The following CFAP251 variants were observed in gnomAD, a reference collection of about 807,000 sequenced individuals.
The protein encoded by CFAP251 is cilia- and flagella-associated protein 251.
A neutral mutation model predicts 126.7 loss-of-function variants in CFAP251; 93 were observed. The observed-to-expected ratio is 0.73, with a 90% CI of 0.62 to 0.87. The LOEUF (loss-of-function observed/expected upper bound fraction) is 0.87, where lower values mean the gene tolerates loss of function less well. CFAP251 is among the 40% of genes least tolerant of loss of function. The probability of loss-of-function intolerance (pLI) is 0.00; values close to 1 mark genes in which losing one functional copy is unlikely to be tolerated. For missense variants in CFAP251, 1,287 were observed against 1,389.2 expected, an observed-to-expected ratio of 0.93 and a Z score of 1.17; for synonymous variants, 503 against 506.9, an observed-to-expected ratio of 0.99 and a Z score of 0.10.
rs746253460 is a variant in CFAP251, at chr12:122,003,746, C to T, written c.3432C>T (p.Ser1144=). 1.2e-5 allele frequency: 19 copies of T among 1,607,894 alleles called. No individual in the cohort carries two copies. Among genetic ancestry groups the T allele is most frequent in the African/African-American group, 6.7e-5 (5 of 74,482 alleles). ...EILGLTISED[S]GQDGQ ...TTGGCTTAACCATTTCAGAAGATTC[C>T]GGCCAGGATGGTCAGTGAAGTTACC... The change falls in exon 22 of 22, where the codon TCC becomes TCT. Residue 1144 remains serine (S), a synonymous_variant. Transcript: ENST00000288912.
intron 19 of CFAP251, among the ~76,000 whole-genome samples, chr12:121,986,892 T>A (rs1882762927): frequency 6.6e-6 from 1 of 152,176 alleles, no homozygotes; most frequent in Non-Finnish European, 1.5e-5. Flanking sequence ...CGGACATACA[T>A]TTCTGTACTA....
chr12:121,982,608 C>T (rs1378965913), intron 19 of CFAP251, among the ~76,000 whole-genome samples: 1 of 152,110 alleles, frequency 6.6e-6, no homozygotes, highest in Non-Finnish European at 1.5e-5. Context: ...AAACTCCCGA[C>T]TTCATGTGAT....
intron 5 of CFAP251, among the ~76,000 whole-genome samples, chr12:121,940,475 C>T (rs974182222): frequency 2.6e-5 from 4 of 152,082 alleles, no homozygotes; most frequent in African/African-American, 9.7e-5. Flanking sequence ...GGGACCCTAG[C>T]GTGACATACA....
At position 121,951,549 on chromosome 12, in the gene CFAP251, T is replaced by A; in HGVS notation, c.1320+19T>A. 1 of 1,566,166 alleles carries A rather than the reference T, an allele frequency of 6.4e-7. No homozygotes were observed. The highest frequency in any genetic ancestry group is 8.8e-7 in the Non-Finnish European group (1 of 1,141,856). The stretch of plus-strand genomic sequence containing the variant: ...TGAAAAAGTGAGTATGCCTATTGCA[T>A]TTTTGTCCATCAGATTTTGTGGAGA... On this transcript the variant is annotated intron_variant, in intron 9 of 21. Coordinates refer to ENST00000288912, the MANE Select transcript of CFAP251 (RefSeq NM_144668.6).
At chr12:121,956,906 A>T (rs1190100999) in intron 10 of CFAP251, among the ~76,000 whole-genome samples, 168 bp from the exon 11 acceptor site, 1 of 152,200 alleles carries the variant, frequency 6.6e-6, no homozygotes, top group Admixed American at 6.5e-5. Flanking sequence ...TCTGAAAGTT[A>T]GTTTCCTAGA....
chr12:122,002,723 C>T (rs778220612), intron 21 of CFAP251, among the ~76,000 whole-genome samples: 1 of 152,028 alleles, frequency 6.6e-6, no homozygotes, highest in Non-Finnish European at 1.5e-5. Flanking sequence ...AAGTTAGGGC[C>T]GTGACTTTCA....
chr12:121,958,185 C>T (rs1016918946), intron 11 of CFAP251, 87 bp from the exon 12 acceptor site: 24 of 1,548,018 alleles, frequency 1.6e-5, no homozygotes, highest in African/African-American at 2.7e-5. Context: ...ACGACAGAGG[C>T]GTTTTATGTG....
At chr12:121,937,897 C>A (rs900947222) in intron 5 of CFAP251, among the ~76,000 whole-genome samples, 1 of 152,182 alleles carries the variant, frequency 6.6e-6, no homozygotes, top group East Asian at 1.9e-4. Context: ...CACTTAGCAT[C>A]GTGCTTGAAG....
intron 19 of CFAP251, among the ~76,000 whole-genome samples, chr12:121,995,453 A>G (rs368854159): frequency 1.4e-4 from 21 of 152,320 alleles, no homozygotes; most frequent in Admixed American, 8.5e-4. Context: ...TTATGTATCA[A>G]TTACAGTTAA....
At chr12:121,980,035 G>A (rs1206650192) in intron 19 of CFAP251, among the ~76,000 whole-genome samples, 1 of 152,174 alleles carries the variant, frequency 6.6e-6, no homozygotes, top group Non-Finnish European at 1.5e-5. Flanking sequence ...CTGCTGTGTT[G>A]TCTCCCTCCG....
chr12:121,935,720 TCG>T (rs1880867182), intron 5 of CFAP251, among the ~76,000 whole-genome samples: 1 of 152,194 alleles, frequency 6.6e-6, no homozygotes, highest in Admixed American at 6.5e-5. Context: ...CAGGCTCACT[TCG>T]ATCAAGCGTC....
Position 121,954,305 on chromosome 12 carries a change from G to C in CFAP251, c.1506G>C (p.Glu502Asp). 1.9e-6 allele frequency: 3 copies of C among 1,614,012 alleles called. No homozygotes were observed. The highest frequency in any genetic ancestry group is 2.5e-6 in the Non-Finnish European group (3 of 1,179,954). Residue 502 changes from glutamate (E) to aspartate (D), a missense_variant, in exon 10 of 22, where the codon GAG becomes GAC. Physicochemically the swap from Glu to Asp is conservative, Grantham distance 45 (BLOSUM62 2). Transcript: ENST00000288912. ...KPCKLVHLQK[E>D]GITVLTTIDS... ...GTAAATTGGTTCATTTGCAGAAAGA[G>C]GGTATCACGGTACTTACCACAATTG...
chr12:121,922,769 GTTCTT>G (rs71082911), intron 2 of CFAP251, among the ~76,000 whole-genome samples: 79,860 of 151,464 alleles, frequency 0.53, 21,811 homozygotes, highest in African/African-American at 0.65. Context: ...CGTTTGTCCT[GTTCTT>G]TTCTTTTCTC....
chr12:121,962,189 G>A, intron 15 of CFAP251, 27 bp downstream of exon 15: 2 of 1,604,126 alleles, frequency 1.2e-6, no homozygotes, highest in Non-Finnish European at 1.7e-6. Context: ...TCCCATTGCA[G>A]GGGGCGTGGA....
At chr12:121,990,277 GACCCTTCTCTAT>G (rs1882846409) in intron 19 of CFAP251, among the ~76,000 whole-genome samples, 1 of 152,102 alleles carries the variant, frequency 6.6e-6, no homozygotes, top group Non-Finnish European at 1.5e-5. Context: ...TCAGGAGGTG[GACCCTTCTCTAT>G]ACTCTCCAAA....
intron 15 of CFAP251, among the ~76,000 whole-genome samples, chr12:121,963,899 G>A (rs939509896): frequency 6.6e-6 from 1 of 151,902 alleles, no homozygotes; most frequent in Non-Finnish European, 1.5e-5. Flanking sequence ...GTCAGCCCTG[G>A]AGGGGAGCTT....
At chr12:121,961,870 A>C in intron 14 of CFAP251, 108 bp from the exon 15 acceptor site, 1 of 1,152,350 alleles carries the variant, frequency 8.7e-7, no homozygotes, top group East Asian at 2.3e-5. Flanking sequence ...CCAGAACAGC[A>C]CTGTTGGCTG....
At chr12:121,926,920 G>A (rs1202376583) in intron 3 of CFAP251, among the ~76,000 whole-genome samples, 1 of 152,102 alleles carries the variant, frequency 6.6e-6, no homozygotes, top group African/African-American at 2.4e-5. Flanking sequence ...CTTCAGCCTG[G>A]GTAATAGAGT....
intron 1 of CFAP251, among the ~76,000 whole-genome samples, chr12:121,919,814 A>G (rs765878724): frequency 2.0e-5 from 3 of 152,220 alleles, no homozygotes; most frequent in Non-Finnish European, 4.4e-5. Context: ...AAAAGGCTAC[A>G]AGGTGTTTAT....
Sources: allele counts gnomAD v4.1 joint callset (sites outside exome capture counted in the v4.1 genomes callset), GRCh38; gene constraint gnomAD v4.1.1; transcripts MANE v1.5; gene names NCBI Gene and HGNC (gene_info 2026-07-23, HGNC 2026-07-21).